The following EHBP1 variants were observed in gnomAD, a reference collection of about 807,000 sequenced individuals.
EHBP1 encodes EH domain binding protein 1.
In EHBP1, 55 loss-of-function variants were observed where a neutral mutation model predicts 144.0. That is an observed-to-expected ratio of 0.38 (90% CI 0.31 to 0.48). EHBP1 has a LOEUF of 0.48. Ranked by LOEUF, EHBP1 falls within the 20% of genes least tolerant of loss-of-function variation. The pLI is 0.98. For missense variants in EHBP1, 1,200 were observed against 1,364.2 expected, an observed-to-expected ratio of 0.88 and a Z score of 1.90; for synonymous variants, 469 against 472.7, an observed-to-expected ratio of 0.99 and a Z score of 0.10.
intron 2 of EHBP1, among the ~76,000 whole-genome samples, chr2:62,728,651 G>A (rs897932285): frequency 4.0e-5 from 6 of 150,736 alleles, no homozygotes; most frequent in African/African-American, 1.5e-4. Context: ...CACTTATCAG[G>A]TATGTGATTT....
In EHBP1 at chr2:63,038,740, C is replaced by T. The variant is rs2061543947; in HGVS notation, c.3204-3C>T. On this transcript the variant is annotated splice_region_variant and splice_polypyrimidine_tract_variant and intron_variant, in intron 20 of 22. Transcript: ENST00000431489. ...TATTGATGAACTTTTGCAACTTGCC[C>T]AGGGAAAAAGAACATGATTTAGAAC... The T allele has an allele frequency of 6.2e-7, 1 of 1,612,404 alleles. No individual in the cohort carries two copies. The highest frequency in any genetic ancestry group is 8.5e-7 in the Non-Finnish European group (1 of 1,178,906).
intron 7 of EHBP1, among the ~76,000 whole-genome samples, chr2:62,844,212 A>C (rs2152732584): frequency 6.6e-6 from 1 of 152,274 alleles, no homozygotes; most frequent in African/African-American, 2.4e-5. Flanking sequence ...ATCCTCCAAA[A>C]TTACAGTCTT....
Position 62,691,558 on chromosome 2 carries a change from G to A in EHBP1, c.-295-15339G>A, listed in dbSNP as rs547722312. On this transcript the variant is annotated intron_variant, in intron 1 of 22. Transcript: ENST00000405015. ...TTTTTATTTCTAGAGAAGAAAAAAG[G>A]AGAATGGGTATTGACAGGCAACTAA... Among the ~76,000 whole-genome samples, 8 of 152,310 alleles carry A rather than the reference G, an allele frequency of 5.3e-5. No individual in the cohort carries two copies. In the East Asian group the frequency reaches 1.3e-3, roughly 26 times the overall value.
At chr2:62,969,934 A>G (rs1274819784) in intron 14 of EHBP1, among the ~76,000 whole-genome samples, 3 of 152,154 alleles carry the variant, frequency 2.0e-5, no homozygotes, top group African/African-American at 7.2e-5. Flanking sequence ...CCTAAATCCT[A>G]TTTATTCAGT....
At chr2:62,693,565 G>A (rs1417693433) in intron 1 of EHBP1, among the ~76,000 whole-genome samples, 1 of 152,082 alleles carries the variant, frequency 6.6e-6, no homozygotes, top group Admixed American at 6.6e-5. Flanking sequence ...ATGTGTAGAG[G>A]TCAAATCAGG....
intron 19 of EHBP1, among the ~76,000 whole-genome samples, chr2:63,023,626 C>T (rs1346710321): frequency 7.9e-5 from 12 of 152,176 alleles, no homozygotes; most frequent in Non-Finnish European, 1.5e-5. Flanking sequence ...CCCCCAGTGC[C>T]AGTTCACTCT....
At chr2:62,910,579 T>C (rs942582166) in intron 10 of EHBP1, among the ~76,000 whole-genome samples, 2 of 152,090 alleles carry the variant, frequency 1.3e-5, no homozygotes, top group Non-Finnish European at 2.9e-5. Context: ...GGATGTTTGG[T>C]AAATTTTTGT....
intron 7 of EHBP1, among the ~76,000 whole-genome samples, chr2:62,843,266 A>G (rs1208398059): frequency 6.6e-6 from 1 of 152,192 alleles, no homozygotes; most frequent in Non-Finnish European, 1.5e-5. Flanking sequence ...TAGTGAATGA[A>G]TGAAGCTTCA....
At position 62,793,647 on chromosome 2, in the gene EHBP1, T is replaced by C. The variant is rs149857272; in HGVS notation, c.312+22255T>C. On this transcript the variant is annotated intron_variant, in intron 5 of 22. Coordinates refer to ENST00000431489, the MANE Select transcript of EHBP1 (RefSeq NM_001142616.3). ...TCAATTTAATTTGGTGGAATGGTCT[T>C]ATTACCTTTCAGGATATTAAAAAGA... Among the ~76,000 whole-genome samples the C allele has an allele frequency of 2.3e-3, 345 of 152,222 alleles. 2 individuals are homozygous for C. Among genetic ancestry groups the C allele is most frequent in the African/African-American group, 7.8e-3 (324 of 41,550 alleles).
intron 15 of EHBP1, among the ~76,000 whole-genome samples, chr2:62,982,744 G>A (rs898166185): frequency 6.6e-6 from 1 of 152,150 alleles, no homozygotes; most frequent in Admixed American, 6.5e-5. Flanking sequence ...CCTGGGGAAT[G>A]TATTGAACAT....
At chr2:62,898,051 G>A (rs948386356) in intron 10 of EHBP1, among the ~76,000 whole-genome samples, 1 of 152,200 alleles carries the variant, frequency 6.6e-6, no homozygotes, top group Admixed American at 6.5e-5. Flanking sequence ...AACAAAAAAG[G>A]CGGTGAGCGG....
chr2:63,038,099 G>C (rs955799112), intron 20 of EHBP1, among the ~76,000 whole-genome samples: 9 of 152,028 alleles, frequency 5.9e-5, no homozygotes, highest in Non-Finnish European at 1.3e-4. Context: ...GTGATTATAA[G>C]AATTACAGTA....
At chr2:62,825,611 G>GAAA (rs1330960344) in intron 5 of EHBP1, among the ~76,000 whole-genome samples, 4 of 133,774 alleles carry the variant, frequency 3.0e-5, no homozygotes, top group Non-Finnish European at 6.5e-5. Flanking sequence ...GTTGTAGACA[G>GAAA]AAAAAAAAAA....
intron 19 of EHBP1, among the ~76,000 whole-genome samples, chr2:63,001,620 A>G (rs770439004): frequency 7.2e-5 from 11 of 152,152 alleles, no homozygotes; most frequent in Non-Finnish European, 1.2e-4. Flanking sequence ...GTTGTTTCTA[A>G]CAAAGGCCCT....
At position 62,802,608 on chromosome 2, in the gene EHBP1, A is replaced by G. The variant is rs2044087668; in HGVS notation, c.313-23479A>G. Among the ~76,000 whole-genome samples the G allele has an allele frequency of 1.1e-4, 17 of 152,316 alleles. 1 individual carries two copies. In the South Asian group the frequency reaches 3.5e-3, roughly 32 times the overall value. The stretch of plus-strand genomic sequence containing the variant: ...ATAAAGAAACGTATAAAGTAACAAA[A>G]TGAAAGTTCTCCCTCACCCACACAG... On this transcript the variant is annotated intron_variant, in intron 5 of 22. Coordinates refer to ENST00000431489, the MANE Select transcript of EHBP1 (RefSeq NM_001142616.3).
chr2:62,895,983 C>G (rs2152928500), intron 10 of EHBP1, among the ~76,000 whole-genome samples: 1 of 152,190 alleles, frequency 6.6e-6, no homozygotes, highest in South Asian at 2.1e-4. Flanking sequence ...GTGTTTTCTA[C>G]TACAATTTAA....
chr2:62,725,842 G>C (rs1306079838), intron 2 of EHBP1, among the ~76,000 whole-genome samples: 3 of 152,162 alleles, frequency 2.0e-5, no homozygotes, highest in Non-Finnish European at 4.4e-5. Context: ...CTACAGTGTG[G>C]GGAGGAAGCA....
In EHBP1 at chr2:62,948,397, A is replaced by C. The variant is rs1558962287; in HGVS notation, c.1551A>C (p.Leu517=). ...QIRAHFSGQE[L]NVVQIEENSS... ...GGGCACATTTCAGTGGCCAAGAACT[A>C]AATGTCGTTCAGATAGAGGAAAACA... Residue 517 remains leucine, a synonymous_variant, in exon 13 of 23, where the codon CTA becomes CTC. Coordinates refer to ENST00000431489, the MANE Select transcript of EHBP1 (RefSeq NM_001142616.3). The C allele has an allele frequency of 6.2e-7, 1 of 1,614,076 alleles. No homozygotes were observed.
At chr2:62,698,463 T>A in intron 1 of EHBP1, among the ~76,000 whole-genome samples, 1 of 152,358 alleles carries the variant, frequency 6.6e-6, no homozygotes, top group East Asian at 1.9e-4. Context: ...ATTTCAGGGA[T>A]AAAATATTGT....
Sources: gnomAD v4.1 joint callset for allele counts (sites outside exome capture counted in the v4.1 genomes callset) on GRCh38, gnomAD v4.1.1 for gene constraint, MANE v1.5 for transcripts, NCBI Gene and HGNC (gene_info 2026-07-23, HGNC 2026-07-21) for gene names.